The following GALNT13 variants were observed in gnomAD, a reference collection of about 807,000 sequenced individuals.
GALNT13 encodes the protein UDP-GalNAc:polypeptide N-acetylgalactosaminyltransferase 13.
GALNT13 carries 28 observed loss-of-function variants against 64.2 expected under a neutral mutation model. The observed-to-expected ratio is 0.44, with a 90% CI of 0.32 to 0.60. The LOEUF is 0.60. GALNT13 is among the 20% of genes least tolerant of loss of function. GALNT13 has a pLI of 0.05. For missense variants in GALNT13, 577 were observed against 669.8 expected (o/e 0.86, Z 1.53); for synonymous variants, 214 against 224.6 (o/e 0.95, Z 0.42).
the GALNT13 span, among the ~76,000 whole-genome samples, chr2:153,553,362 GGCCTGT>G: frequency 0.048 from 6,227 of 129,570 alleles, 387 homozygotes; most frequent in African/African-American, 0.18. Flanking sequence ...TGAGTGTGGT[GGCCTGT>G]GCCTGTGCCT....
At chr2:153,332,517 C>T in the GALNT13 span, among the ~76,000 whole-genome samples, 311 of 147,962 alleles carry the variant, frequency 2.1e-3, 1 homozygote, top group African/African-American at 6.9e-3. Flanking sequence ...TTCATTCCAC[C>T]GTGGCCTGAG....
the GALNT13 span, among the ~76,000 whole-genome samples, chr2:153,721,794 C>T: frequency 2.6e-5 from 4 of 151,654 alleles, no homozygotes; most frequent in Admixed American, 2.0e-4. Context: ...CAGGAGCACC[C>T]AGATTCATAA....
chr2:153,421,906 T>C, the GALNT13 span: 1 of 191,598 alleles, frequency 5.2e-6, no homozygotes, highest in Non-Finnish European at 1.1e-5. Flanking sequence ...CCCGGCAGCA[T>C]TGCCAATCCA....
chr2:153,135,182 A>G, the GALNT13 span, among the ~76,000 whole-genome samples: 1 of 152,104 alleles, frequency 6.6e-6, no homozygotes, highest in Non-Finnish European at 1.5e-5. Flanking sequence ...TGGCAGAAAG[A>G]TAGAGCTGTA....
chr2:154,009,501 C>CTTTT (rs34094447), intron 3 of GALNT13, among the ~76,000 whole-genome samples: 1 of 142,336 alleles, frequency 7.0e-6, no homozygotes, highest in African/African-American at 2.6e-5. Context: ...GGTGTTATGG[C>CTTTT]TTTTTTTTTT....
At chr2:154,287,484 C>T (rs540561873) in intron 8 of GALNT13, 1 of 326,536 alleles carries the variant, frequency 3.1e-6, no homozygotes, top group Admixed American at 3.9e-5. Flanking sequence ...TGATTCTTAA[C>T]AATGCTTCCT....
intron 9 of GALNT13, among the ~76,000 whole-genome samples, chr2:154,361,497 GCTCTC>G (rs1436040432): frequency 6.6e-6 from 1 of 152,030 alleles, no homozygotes; most frequent in Non-Finnish European, 1.5e-5. Context: ...TGAAATCCTA[GCTCTC>G]CTGCTTGCCA....
At chr2:153,443,789 G>T in the GALNT13 span, among the ~76,000 whole-genome samples, 2 of 152,244 alleles carry the variant, frequency 1.3e-5, no homozygotes, top group South Asian at 2.1e-4. Flanking sequence ...CGGGCGTGAT[G>T]GTGGGCTCCT....
rs1212322132 is a variant in GALNT13 at position 154,298,640 on chromosome 2, TA to T, written c.976-2768del. 1.2e-4 allele frequency among the ~76,000 whole-genome samples: 11 copies of T among 95,112 alleles called. 4 individuals are homozygous for T. Among genetic ancestry groups the T allele is most frequent in the African/African-American group, 4.4e-4 (11 of 24,746 alleles). 62.4% of individuals were successfully genotyped at this position (95,112 alleles called of 152,430 possible). Reference sequence around the variant, plus strand: ...ATATATACATTGTATATATAATTTATATATACATTGTATATACAATTTATAT... The same window carrying T: ...ATATATACATTGTATATATAATTTATTATACATTGTATATACAATTTATAT... On this transcript the variant is annotated intron_variant, in intron 8 of 12. Coordinates refer to ENST00000392825, the MANE Select transcript of GALNT13 (RefSeq NM_052917.4).
At chr2:153,188,389 A>C in the GALNT13 span, among the ~76,000 whole-genome samples, 74 of 131,730 alleles carry the variant, frequency 5.6e-4, 1 homozygote, top group South Asian at 0.018. Flanking sequence ...AATAAACTAA[A>C]TAATAATGGC....
the GALNT13 span, among the ~76,000 whole-genome samples, chr2:153,250,848 G>A: frequency 6.6e-6 from 1 of 152,016 alleles, no homozygotes; most frequent in African/African-American, 2.4e-5. Context: ...GACATAGGGA[G>A]GGGGACATTA....
chr2:154,065,717 C>G (rs1312431008), intron 3 of GALNT13, among the ~76,000 whole-genome samples: 5 of 152,144 alleles, frequency 3.3e-5, no homozygotes, highest in Non-Finnish European at 2.9e-5. Context: ...TCATAACACA[C>G]AAGTCCATTC....
chr2:153,683,921 G>C, the GALNT13 span, among the ~76,000 whole-genome samples: 1 of 151,680 alleles, frequency 6.6e-6, no homozygotes, highest in South Asian at 2.1e-4. Flanking sequence ...ATGGATAAAC[G>C]TGTGTGACAA....
At chr2:153,827,184 T>C in the GALNT13 span, among the ~76,000 whole-genome samples, 1 of 151,934 alleles carries the variant, frequency 6.6e-6, no homozygotes, top group Non-Finnish European at 1.5e-5. Context: ...GCAGGGAAAC[T>C]CCCGCTTTTA....
chr2:153,234,321 G>A, the GALNT13 span, among the ~76,000 whole-genome samples: 1 of 152,114 alleles, frequency 6.6e-6, no homozygotes, highest in Non-Finnish European at 1.5e-5. Context: ...GGAGTTGGGA[G>A]GAAGCCACAG....
At chr2:153,476,670 T>C in the GALNT13 span, among the ~76,000 whole-genome samples, 53 of 152,198 alleles carry the variant, frequency 3.5e-4, no homozygotes, top group Non-Finnish European at 6.5e-4. Context: ...TCTCAACCCT[T>C]TGCCTGGTCT....
the GALNT13 span, among the ~76,000 whole-genome samples, chr2:153,292,961 A>T: frequency 6.6e-6 from 1 of 152,218 alleles, no homozygotes; most frequent in African/African-American, 2.4e-5. Flanking sequence ...GGTGAAGTAG[A>T]TGGAGTTTAT....
At chr2:154,030,553 G>C (rs1315936963) in intron 3 of GALNT13, among the ~76,000 whole-genome samples, 1 of 152,094 alleles carries the variant, frequency 6.6e-6, no homozygotes, top group Non-Finnish European at 1.5e-5. Context: ...TGTAATACCA[G>C]AGTTAAACTT....
chr2:153,094,412 T>C, the GALNT13 span, among the ~76,000 whole-genome samples: 4,051 of 152,260 alleles, frequency 0.027, 64 homozygotes, highest in South Asian at 0.044. Flanking sequence ...GGAAGAACAT[T>C]CCATGCTCAT....
Sources: allele counts gnomAD v4.1 joint callset (sites outside exome capture counted in the v4.1 genomes callset), GRCh38; gene constraint gnomAD v4.1.1; transcripts MANE v1.5; gene names NCBI Gene and HGNC (gene_info 2026-07-23, HGNC 2026-07-21).